CTNNA2: variants seen among roughly 807,000 people sequenced by gnomAD.
The protein encoded by CTNNA2 is catenin alpha 2.
Under a neutral mutation model 101.0 loss-of-function variants are expected in CTNNA2, and 42 were observed. The ratio of observed to expected loss-of-function variants is 0.42; its 90% CI spans 0.32 to 0.54. The LOEUF is 0.54. Among genes scored for constraint, CTNNA2 ranks in the 20% least tolerant of loss-of-function variants. The probability of loss-of-function intolerance (pLI) is 0.14; values close to 1 mark genes in which losing one functional copy is unlikely to be tolerated. For synonymous variants in CTNNA2, 450 were observed against 456.4 expected, an observed-to-expected ratio of 0.99 and a Z score of 0.18; for missense variants, 871 against 1,223.1, an observed-to-expected ratio of 0.71 and a Z score of 4.29.
At chr2:79,757,557 A>C (rs2105065512) in intron 3 of CTNNA2, among the ~76,000 whole-genome samples, 1 of 152,330 alleles carries the variant, frequency 6.6e-6, no homozygotes, top group African/African-American at 2.4e-5. Flanking sequence ...ACAGAAAGAG[A>C]ATAAGAAATC....
chr2:80,217,829 C>G (rs1379823391), intron 7 of CTNNA2, among the ~76,000 whole-genome samples: 2 of 152,196 alleles, frequency 1.3e-5, no homozygotes, highest in African/African-American at 4.8e-5. Flanking sequence ...ACTTGATATT[C>G]TGCACACCTG....
At chr2:80,486,606 A>G (rs973508551) in intron 9 of CTNNA2, among the ~76,000 whole-genome samples, 4 of 152,128 alleles carry the variant, frequency 2.6e-5, no homozygotes, top group Non-Finnish European at 5.9e-5. Flanking sequence ...AAATTTTCTT[A>G]TGTATATACT....
intron 7 of CTNNA2, among the ~76,000 whole-genome samples, chr2:80,135,184 G>A (rs761021664): frequency 1.9e-4 from 29 of 152,158 alleles, no homozygotes; most frequent in Non-Finnish European, 3.4e-4. Context: ...GCAGTTCAGG[G>A]CCAACAGAGA....
chr2:79,271,089 C>G (rs1012603804), intron 2 of CTNNA2, among the ~76,000 whole-genome samples: 3 of 152,014 alleles, frequency 2.0e-5, no homozygotes, highest in Middle Eastern at 3.2e-3. Flanking sequence ...AGTTATGAGA[C>G]ATGAAAGTGA....
At chr2:80,354,759 C>A (rs999009849) in intron 7 of CTNNA2, among the ~76,000 whole-genome samples, 1 of 152,062 alleles carries the variant, frequency 6.6e-6, no homozygotes, top group Admixed American at 6.6e-5. Context: ...GATATTACTT[C>A]TAGATCAGTG....
At chr2:80,353,265 C>A (rs1355420043) in intron 7 of CTNNA2, among the ~76,000 whole-genome samples, 1 of 151,954 alleles carries the variant, frequency 6.6e-6, no homozygotes, top group African/African-American at 2.4e-5. Context: ...AATTTTCAAG[C>A]AATAAGGGAC....
At chr2:80,258,490 A>C (rs1249766919) in intron 7 of CTNNA2, among the ~76,000 whole-genome samples, 1 of 152,172 alleles carries the variant, frequency 6.6e-6, no homozygotes, top group African/African-American at 2.4e-5. Flanking sequence ...TGTGAGGGGC[A>C]TGGCAAAGTG....
chr2:79,342,345 T>G (rs1177519418), intron 3 of CTNNA2, among the ~76,000 whole-genome samples: 1 of 152,200 alleles, frequency 6.6e-6, no homozygotes, highest in Non-Finnish European at 1.5e-5. Context: ...GAGAAAGATT[T>G]TGAAGCAAAA....
chr2:80,248,890 A>G (rs1271882406), intron 7 of CTNNA2, among the ~76,000 whole-genome samples: 1 of 152,244 alleles, frequency 6.6e-6, no homozygotes, highest in African/African-American at 2.4e-5. Flanking sequence ...GGATCTTACT[A>G]CCATTGCTAC....
chr2:80,154,310 C>T (rs1033761282), intron 7 of CTNNA2, among the ~76,000 whole-genome samples: 2 of 152,006 alleles, frequency 1.3e-5, no homozygotes, highest in Non-Finnish European at 2.9e-5. Flanking sequence ...AAAGGTGAAT[C>T]GCCCGTTGGT....
At chr2:80,520,454 A>G (rs1232618050) in intron 9 of CTNNA2, among the ~76,000 whole-genome samples, 1 of 152,142 alleles carries the variant, frequency 6.6e-6, no homozygotes, top group Non-Finnish European at 1.5e-5. Context: ...AAAATAGCAT[A>G]CACTGGAAGT....
intron 2 of CTNNA2, among the ~76,000 whole-genome samples, chr2:79,217,851 G>C (rs1674286414): frequency 6.6e-6 from 1 of 152,068 alleles, no homozygotes; most frequent in African/African-American, 2.4e-5. Context: ...CTCTCTCCCA[G>C]GTCTAGACAC....
At chr2:80,172,600 A>G (rs1705135939) in intron 7 of CTNNA2, among the ~76,000 whole-genome samples, 1 of 152,234 alleles carries the variant, frequency 6.6e-6, no homozygotes, top group Admixed American at 6.5e-5. Flanking sequence ...CTGCCATAAC[A>G]GCGTGCCATA....
At chr2:80,274,837 C>A (rs571585486) in intron 7 of CTNNA2, among the ~76,000 whole-genome samples, 3 of 152,294 alleles carry the variant, frequency 2.0e-5, no homozygotes, top group Admixed American at 2.0e-4. Flanking sequence ...CTTCATTTCT[C>A]TTGAAGGCAT....
intron 7 of CTNNA2, among the ~76,000 whole-genome samples, chr2:80,062,645 T>G (rs1697677200): frequency 6.6e-6 from 1 of 152,132 alleles, no homozygotes; most frequent in African/African-American, 2.4e-5. Flanking sequence ...ATAAGAATCT[T>G]TGTAGACTGG....
chr2:79,594,737 CTCTT>C (rs1156369277), intron 1 of CTNNA2, among the ~76,000 whole-genome samples: 1 of 152,080 alleles, frequency 6.6e-6, no homozygotes, highest in Non-Finnish European at 1.5e-5. Context: ...ATGTTTATCT[CTCTT>C]TTTTATATAT....
intron 1 of CTNNA2, chr2:79,547,029 A>C (rs1029675603): frequency 9.2e-5 from 14 of 151,954 alleles, no homozygotes; most frequent in African/African-American, 3.4e-4. Flanking sequence ...TGTAATGTGC[A>C]TGCATGCGTG....
At chr2:80,359,861 C>T (rs1340011090) in intron 7 of CTNNA2, among the ~76,000 whole-genome samples, 1 of 152,106 alleles carries the variant, frequency 6.6e-6, no homozygotes, top group Non-Finnish European at 1.5e-5. Flanking sequence ...ATAATCTTGA[C>T]TCCTTTTTTC....
intron 7 of CTNNA2, among the ~76,000 whole-genome samples, chr2:79,917,534 A>G (rs1686337328): frequency 6.6e-6 from 1 of 152,166 alleles, no homozygotes; most frequent in Non-Finnish European, 1.5e-5. Context: ...GGCACTTACA[A>G]TTCTGTTTGG....
Sources: allele counts gnomAD v4.1 joint callset (sites outside exome capture counted in the v4.1 genomes callset), GRCh38; gene constraint gnomAD v4.1.1; transcripts MANE v1.5; gene names NCBI Gene and HGNC (gene_info 2026-07-23, HGNC 2026-07-21).